The following FAM3D variants were observed in gnomAD, a reference collection of about 807,000 sequenced individuals.
FAM3D encodes the protein FAM3 metabolism regulating signaling molecule D, also known as protein FAM3D.
A neutral mutation model predicts 29.8 loss-of-function variants in FAM3D; 26 were observed. The ratio of observed to expected loss-of-function variants is 0.87; its 90% CI spans 0.64 to 1.21. FAM3D has a LOEUF of 1.21. Among genes scored for constraint, FAM3D ranks in the 50% most tolerant of loss-of-function variants. FAM3D has a pLI of 0.00. For synonymous variants in FAM3D, 115 were observed against 102.3 expected (o/e 1.12, Z -0.75); for missense variants, 253 against 290.9 (o/e 0.87, Z 0.95).
intron 1 of FAM3D, among the ~76,000 whole-genome samples, chr3:58,659,974 T>C (rs565320756): frequency 1.3e-5 from 2 of 152,318 alleles, no homozygotes; most frequent in East Asian, 3.9e-4. Context: ...TTCCATCAGT[T>C]CTTCCTCTTC....
At position 58,643,203 on chromosome 3, in the gene FAM3D, A is replaced by T. The variant is rs192072982; in HGVS notation, c.322+459T>A. Among the ~76,000 whole-genome samples, 540 of 152,312 alleles carry T rather than the reference A, an allele frequency of 3.5e-3. 2 individuals are homozygous for T. The highest frequency in any genetic ancestry group is 0.012 in the African/African-American group (510 of 41,572). ...CTCACGGATACCTACGGAGGCTGTG[A>T]AGCCAGGGCCTTTCTAGTTCTTGGC... On this transcript the variant is annotated intron_variant, in intron 6 of 9. Transcript: ENST00000358781.
chr3:58,664,708 G>T (rs1490005366), intron 1 of FAM3D, among the ~76,000 whole-genome samples: 1 of 152,256 alleles, frequency 6.6e-6, no homozygotes, highest in African/African-American at 2.4e-5. Context: ...AGGCAGGGTT[G>T]CTCTCCCCAC....
At chr3:58,649,400 G>T (rs1415958368) in intron 3 of FAM3D, 62 bp from the exon 4 acceptor site, 1 of 1,603,684 alleles carries the variant, frequency 6.2e-7, no homozygotes, top group African/African-American at 1.3e-5. Context: ...CAGGATGGAG[G>T]TTGGGGGCTG....
chr3:58,648,719 C>A (rs1264121446), intron 4 of FAM3D, among the ~76,000 whole-genome samples: 1 of 152,202 alleles, frequency 6.6e-6, no homozygotes, highest in Non-Finnish European at 1.5e-5. Context: ...TCCACTGGAG[C>A]ATTCTTGCCT....
At chr3:58,653,180 A>G (rs1430194915) in intron 3 of FAM3D, among the ~76,000 whole-genome samples, 9 of 152,176 alleles carry the variant, frequency 5.9e-5, no homozygotes, top group Admixed American at 5.2e-4. Context: ...GACATGAGAG[A>G]AGCTAAACTA....
At chr3:58,661,362 C>A (rs1209809487) in intron 1 of FAM3D, among the ~76,000 whole-genome samples, 1 of 152,198 alleles carries the variant, frequency 6.6e-6, no homozygotes, top group Non-Finnish European at 1.5e-5. Context: ...ATGTCTCTCA[C>A]CAGCCAGTAC....
chr3:58,656,687 G>C (rs926288715), intron 1 of FAM3D, among the ~76,000 whole-genome samples: 1 of 152,118 alleles, frequency 6.6e-6, no homozygotes, highest in African/African-American at 2.4e-5. Context: ...AACTCTTCCT[G>C]TCCCCTGCCC....
chr3:58,662,464 T>C (rs918482830), intron 1 of FAM3D, among the ~76,000 whole-genome samples: 1 of 152,262 alleles, frequency 6.6e-6, no homozygotes, highest in African/African-American at 2.4e-5. Flanking sequence ...GTATTATTAG[T>C]ATTCTGCCAA....
chr3:58,642,881 C>T (rs1354237558), intron 6 of FAM3D, among the ~76,000 whole-genome samples: 2 of 152,232 alleles, frequency 1.3e-5, no homozygotes, highest in East Asian at 1.9e-4. Flanking sequence ...CATCCTCTGG[C>T]CTTGCTGCTG....
At chr3:58,650,159 G>A (rs535539505) in intron 3 of FAM3D, among the ~76,000 whole-genome samples, 3 of 152,312 alleles carry the variant, frequency 2.0e-5, no homozygotes, top group African/African-American at 7.2e-5. Flanking sequence ...GGAGGACAGG[G>A]CCTCCAGAGG....
intron 6 of FAM3D, among the ~76,000 whole-genome samples, chr3:58,642,032 T>A (rs1461382178): frequency 2.0e-5 from 3 of 152,016 alleles, no homozygotes; most frequent in African/African-American, 7.3e-5. Flanking sequence ...GCTCCTACAG[T>A]CTTCTGGGGT....
chr3:58,665,681 A>G (rs1318731149), intron 1 of FAM3D, among the ~76,000 whole-genome samples: 1 of 152,144 alleles, frequency 6.6e-6, no homozygotes, highest in Non-Finnish European at 1.5e-5. Flanking sequence ...CATAGTGGGC[A>G]GGAGCAAAAG....
intron 6 of FAM3D, among the ~76,000 whole-genome samples, chr3:58,641,554 C>T (rs984394915): frequency 6.6e-6 from 1 of 151,916 alleles, no homozygotes; most frequent in Non-Finnish European, 1.5e-5. Context: ...GGGGCGGATT[C>T]GGGGGGTGGT....
At chr3:58,651,782 G>A (rs2066643994) in intron 3 of FAM3D, among the ~76,000 whole-genome samples, 1 of 148,754 alleles carries the variant, frequency 6.7e-6, no homozygotes, top group African/African-American at 2.5e-5. Flanking sequence ...GAGGCCATTA[G>A]TGCAGCCACA....
chr3:58,655,467 C>T (rs1385248045), intron 2 of FAM3D, 84 bp downstream of exon 2: 1 of 1,572,650 alleles, frequency 6.4e-7, no homozygotes, highest in African/African-American at 1.3e-5. Flanking sequence ...CATTTGAGAA[C>T]AGATACAGCC....
At chr3:58,665,948 G>C (rs1408366058) in intron 1 of FAM3D, among the ~76,000 whole-genome samples, 1 of 152,164 alleles carries the variant, frequency 6.6e-6, no homozygotes, top group African/African-American at 2.4e-5. Flanking sequence ...TTACAGATGA[G>C]GAAACTGAGT....
chr3:58,641,927 A>C (rs1046403421), intron 6 of FAM3D, among the ~76,000 whole-genome samples: 8 of 152,202 alleles, frequency 5.3e-5, no homozygotes, highest in Admixed American at 2.0e-4. Context: ...GAAAGTCAGC[A>C]GGTTTCAGCC....
Position 58,634,082 on chromosome 3 carries a change from A to C in FAM3D, c.*197T>G. On this transcript the variant is annotated 3_prime_UTR_variant, in exon 10 of 10. Coordinates refer to ENST00000358781, the MANE Select transcript of FAM3D (RefSeq NM_138805.3). This position sits in a 1 kb window ranked among gnomAD's most constrained non-coding sequence, Gnocchi z 4.6. The stretch of plus-strand genomic sequence containing the variant: ...CAGCTGGTTCCAGAAGGACCCTCTG[A>C]GGCTGGTCTTCCGGGTAGGATGTGC... 1.9e-6 allele frequency: 1 copy of C among 539,450 alleles called. No individual in the cohort carries two copies. The highest frequency in any genetic ancestry group is 3.2e-5 in the East Asian group (1 of 30,942). The allele number at this position is 539,450 out of a possible 1,614,324, so 33.4% of individuals were successfully genotyped here.
At chr3:58,663,508 C>T (rs1231996751) in intron 1 of FAM3D, among the ~76,000 whole-genome samples, 2 of 152,116 alleles carry the variant, frequency 1.3e-5, no homozygotes, top group Non-Finnish European at 2.9e-5. Context: ...TCACTTGCAC[C>T]CAGAAAAGTC....
Sources: gnomAD v4.1 joint callset for allele counts (sites outside exome capture counted in the v4.1 genomes callset) on GRCh38, gnomAD v4.1.1 for gene constraint, Gnocchi (gnomAD v3.1) non-coding constraint, MANE v1.5 for transcripts, NCBI Gene and HGNC (gene_info 2026-07-23, HGNC 2026-07-21) for gene names.